Variants in MTO1 observed in about 807,000 individuals in gnomAD.
The protein encoded by MTO1 is 5-taurinomethyluridine-[tRNA] synthase subunit MTO1, mitochondrial.
MTO1 carries 46 observed loss-of-function variants against 71.6 expected under a neutral mutation model. That is an observed-to-expected ratio of 0.64 (90% CI 0.51 to 0.82). MTO1 has a LOEUF of 0.82. Among genes scored for constraint, MTO1 ranks in the 40% least tolerant of loss-of-function variants. The pLI, the probability that MTO1 is intolerant of heterozygous loss-of-function variation, is 0.00. For synonymous variants in MTO1, 297 were observed against 312.1 expected (o/e 0.95, Z 0.51); for missense variants, 773 against 867.5 (o/e 0.89, Z 1.37).
Position 73,468,402 on chromosome 6 carries a change from AGC to A in MTO1, c.535+1797_535+1798del, listed in dbSNP as rs1219703421. ...TGAAAATGCTGGGATTACAGGCATG[AGC>A]ACTGTGCCCAGCCTATTAACTTATT... On this transcript the variant is annotated intron_variant, in intron 3 of 11. Coordinates refer to ENST00000498286, the MANE Select transcript of MTO1 (RefSeq NM_012123.4). Among the ~76,000 whole-genome samples the A allele has an allele frequency of 1.3e-4, 20 of 152,200 alleles. No individual in the cohort carries two copies. The South Asian group carries it at 1.7e-3, about 13-fold the overall frequency.
intron 7 of MTO1, 79 bp downstream of exon 7, chr6:73,480,884 CTA>C (rs1771469981): frequency 7.2e-7 from 1 of 1,386,726 alleles, no homozygotes; most frequent in South Asian, 1.3e-5. Context: ...GTTGTGTTAA[CTA>C]TGTAGATCTT....
intron 4 of MTO1, among the ~76,000 whole-genome samples, chr6:73,474,197 GTTC>G (rs772778164): frequency 3.3e-5 from 5 of 151,892 alleles, no homozygotes; most frequent in Non-Finnish European, 7.4e-5. Flanking sequence ...GGTTCAAGCA[GTTC>G]TTCTGCCTCA....
rs1315059075 is a variant in MTO1 at position 73,507,823 on chromosome 6, A to G, written c.*7088A>G. 2 of 152,120 alleles carry G rather than the reference A, an allele frequency of 1.3e-5. No homozygotes were observed. The highest frequency in any genetic ancestry group is 2.9e-5 in the Non-Finnish European group (2 of 68,006). The allele number at this position is 152,120 out of a possible 1,614,324, so 9.4% of individuals were successfully genotyped here. On this transcript the variant is annotated 3_prime_UTR_variant, in exon 12 of 12. Coordinates refer to ENST00000498286, the MANE Select transcript of MTO1 (RefSeq NM_012123.4). ...AAACCCCGTGTCTACTAAAAATACG[A>G]AAAATTAGCCGGGTGTGGTGGTGCG... is the stretch of plus-strand genomic sequence containing the variant.
In MTO1 at chr6:73,482,525, C is replaced by A; in HGVS notation, c.1542C>A (p.Gly514=). ...GGATGAAGTCTTCTTTAGAAGAAGG[C>A]ATTTCTGTGTTGAAATCTATTGAGT... ...ACWMKSSLEE[G]ISVLKSIEFL... Residue 514 remains glycine, a synonymous_variant, in exon 9 of 12, where the codon GGC becomes GGA. Coordinates refer to ENST00000498286, the MANE Select transcript of MTO1 (RefSeq NM_012123.4). The A allele has an allele frequency of 6.2e-7, 1 of 1,612,794 alleles. No individual in the cohort carries two copies. Among genetic ancestry groups the A allele is most frequent in the Middle Eastern group, 1.9e-4 (1 of 5,310 alleles).
At chr6:73,466,727 C>G (rs1771009629) in intron 3 of MTO1, 121 bp downstream of exon 3, 1 of 777,488 alleles carries the variant, frequency 1.3e-6, no homozygotes, top group Non-Finnish European at 2.1e-6. Context: ...ATTTTCTCTA[C>G]CTGGATGAGG....
chr6:73,492,691 T>C (rs1485297885), intron 10 of MTO1: 1 of 208,064 alleles, frequency 4.8e-6, no homozygotes, highest in African/African-American at 2.3e-5. Flanking sequence ...TACATGCCTG[T>C]AGTGCCAACT....
At chr6:73,482,727 G>T in intron 9 of MTO1, 107 bp downstream of exon 9, 3 of 816,788 alleles carry the variant, frequency 3.7e-6, no homozygotes, top group Non-Finnish European at 1.8e-6. Context: ...CATTTCAAAT[G>T]AATGTAGCTT....
intron 4 of MTO1, 35 bp from the exon 5 acceptor site, chr6:73,479,697 G>A (rs755362068): frequency 1.1e-5 from 17 of 1,513,826 alleles, no homozygotes; most frequent in African/African-American, 1.4e-5. Context: ...TAGTAGATAA[G>A]CAAATCAGTA....
At chr6:73,497,631 G>A (rs892883381) in intron 10 of MTO1, 105 bp from the exon 11 acceptor site, 27 of 1,153,076 alleles carry the variant, frequency 2.3e-5, no homozygotes, top group Non-Finnish European at 3.1e-5. Flanking sequence ...TGAATGAGAT[G>A]ATGTACACAA....
intron 3 of MTO1, among the ~76,000 whole-genome samples, chr6:73,471,052 C>T (rs988638052): frequency 2.0e-5 from 3 of 152,042 alleles, no homozygotes; most frequent in Admixed American, 1.3e-4. Context: ...GTTGTGTGGT[C>T]TTTCTACCTA....
chr6:73,478,820 G>A (rs1368763703), intron 4 of MTO1, among the ~76,000 whole-genome samples: 2 of 152,000 alleles, frequency 1.3e-5, no homozygotes, highest in Non-Finnish European at 2.9e-5. Context: ...GGGATTACAG[G>A]CGTGAGCCAC....
At chr6:73,468,886 G>C (rs150121549) in intron 3 of MTO1, among the ~76,000 whole-genome samples, 19 of 152,106 alleles carry the variant, frequency 1.2e-4, no homozygotes, top group African/African-American at 4.1e-4. Flanking sequence ...GGTATTATAG[G>C]GGTGAGCCAC....
intron 3 of MTO1, among the ~76,000 whole-genome samples, chr6:73,467,614 A>AAAATAAATAAATAAATAAATAAAT (rs70996806): frequency 0.01 from 1,445 of 143,528 alleles, 17 homozygotes; most frequent in Admixed American, 0.02. Flanking sequence ...ACTCTGTCTC[A>AAAATAAATAAATAAATAAATAAAT]AAATAAATAA....
In MTO1 at chr6:73,479,924, GT is replaced by G. The variant is rs1064794699; in HGVS notation, c.939-10del. On this transcript the variant is annotated splice_polypyrimidine_tract_variant and intron_variant, in intron 5 of 11. Transcript: ENST00000498286. ...TTGTTCATTTCAAGTTTATTTAAAT[GT>G]TCTATTCTAGATACTGTCCCTCCAT... 14 of 1,609,008 alleles carry G rather than the reference GT, an allele frequency of 8.7e-6. No homozygotes were observed. Among genetic ancestry groups the G allele is most frequent in the Non-Finnish European group, 1.2e-5 (14 of 1,177,026 alleles).
chr6:73,471,544 A>T (rs1771162439), intron 3 of MTO1: 3 of 406,918 alleles, frequency 7.4e-6, no homozygotes, highest in African/African-American at 2.1e-5. Flanking sequence ...CCTCCTGTGT[A>T]GCTGGGACCA....
chr6:73,483,365 C>T (rs937575392), intron 9 of MTO1, among the ~76,000 whole-genome samples: 2 of 151,838 alleles, frequency 1.3e-5, no homozygotes, highest in African/African-American at 2.4e-5. Flanking sequence ...GCCAAGATCA[C>T]GCCTCTGCAC....
At chr6:73,469,704 G>A (rs1349078289) in intron 3 of MTO1, among the ~76,000 whole-genome samples, 2 of 150,928 alleles carry the variant, frequency 1.3e-5, no homozygotes, top group African/African-American at 2.4e-5. Flanking sequence ...GCTGATTCTG[G>A]TGGTGATTAA....
In MTO1 at chr6:73,482,132, T is replaced by G. The variant is rs557440944; in HGVS notation, c.1353T>G (p.Ile451Met). 43 of 1,614,180 alleles carry G rather than the reference T, an allele frequency of 2.7e-5. 1 individual carries two copies. In the South Asian group the frequency reaches 3.2e-4, roughly 12 times the overall value. Reference sequence around the variant, plus strand: ...CAGAAGGTTACATAGGAGTCTTGATTGATGACCTCACTACTCTGGGCACCA... The same window carrying G: ...CAGAAGGTTACATAGGAGTCTTGATGGATGACCTCACTACTCTGGGCACCA... Reference protein sequence around the residue: ...SRTEGYIGVLIDDLTTLGTSE... With the variant: ...SRTEGYIGVLMDDLTTLGTSE... The change falls in exon 8 of 12, where the codon ATT becomes ATG. Residue 451 changes from isoleucine (I) to methionine (M), a missense_variant. Physicochemically the swap from Ile to Met is conservative, Grantham distance 10. Coordinates refer to ENST00000498286, the MANE Select transcript of MTO1 (RefSeq NM_012123.4).
intron 1 of MTO1, among the ~76,000 whole-genome samples, chr6:73,464,476 C>A (rs1442968924): frequency 6.6e-6 from 1 of 151,944 alleles, no homozygotes; most frequent in Non-Finnish European, 1.5e-5. Context: ...CTGTGGAGAC[C>A]ATTAAAACTT....
Sources: allele counts gnomAD v4.1 joint callset (sites outside exome capture counted in the v4.1 genomes callset), GRCh38; gene constraint gnomAD v4.1.1; transcripts MANE v1.5; gene names NCBI Gene and HGNC (gene_info 2026-07-23, HGNC 2026-07-21).